Variants in MINK1 observed in about 807,000 individuals in gnomAD.
MINK1 encodes the protein misshapen like kinase 1, also known as misshapen-like kinase 1.
A neutral mutation model predicts 178.4 loss-of-function variants in MINK1; 46 were observed. The ratio of observed to expected loss-of-function variants is 0.26; its 90% confidence interval spans 0.20 to 0.33. The LOEUF (loss-of-function observed/expected upper bound fraction) is 0.33, where lower values mean the gene tolerates loss of function less well. MINK1 is among the 10% of genes least tolerant of loss of function. The probability of loss-of-function intolerance (pLI) is 1.00; values close to 1 mark genes in which losing one functional copy is unlikely to be tolerated. For missense variants in MINK1, 1,366 were observed against 1,814.9 expected (o/e 0.75, Z 4.49); for synonymous variants, 797 against 709.7 (o/e 1.12, Z -1.96).
chr17:4,835,328 A>G (rs896838068), intron 1 of MINK1, among the ~76,000 whole-genome samples: 7 of 152,132 alleles, frequency 4.6e-5, no homozygotes, highest in Non-Finnish European at 1.0e-4. Context: ...CTAAAATACA[A>G]TAAAAAATGG....
intron 1 of MINK1, among the ~76,000 whole-genome samples, chr17:4,867,939 A>G (rs1038739759): frequency 6.6e-6 from 1 of 151,186 alleles, no homozygotes; most frequent in Non-Finnish European, 1.5e-5. Flanking sequence ...TCAAACGCTT[A>G]TTTTGTTGAG....
chr17:4,887,260 C>G lies in MINK1; in HGVS notation c.1019+81C>G. ...ACAGTGGTGCTTGGCTTTGGGGACTCTCAGCCTGGGGGTGGTGGGCACAGA... is the reference window on the plus strand; with the variant it reads ...ACAGTGGTGCTTGGCTTTGGGGACTGTCAGCCTGGGGGTGGTGGGCACAGA... On this transcript the variant is annotated intron_variant, in intron 11 of 31. Transcript: ENST00000355280. The surrounding 1 kb of genome is among the most constrained non-coding windows in gnomAD (Gnocchi z 7.6). The G allele has an allele frequency of 7.1e-7, 1 of 1,409,604 alleles. No homozygotes were observed. The highest frequency in any genetic ancestry group is 9.8e-7 in the Non-Finnish European group (1 of 1,020,856). The allele number at this position is 1,409,604 out of a possible 1,614,324, so 87.3% of individuals were successfully genotyped here. A position where few individuals can be genotyped will look rare whatever the true frequency, so the allele number is the denominator to read the frequency against.
Position 4,885,918 on chromosome 17 carries a change from T to C in MINK1, c.647T>C (p.Ile216Thr). 1 of 1,613,720 alleles carries C rather than the reference T, an allele frequency of 6.2e-7. No individual in the cohort carries two copies. The highest frequency in any genetic ancestry group is 8.5e-7 in the Non-Finnish European group (1 of 1,179,786). Residue 216 changes from isoleucine (I) to threonine (T), a missense_variant, in exon 8 of 32, where the codon ATT becomes ACT. By Grantham distance (89) the Ile-to-Thr change is moderately conservative (BLOSUM62 -1). Transcript: ENST00000355280. The surrounding 1 kb of genome is among the most constrained non-coding windows in gnomAD (Gnocchi z 5.0). ...PDATYDYRSD[I>T]WSLGITAIEM... Reference sequence around the variant, plus strand: ...CTTCTTTCCCGTCTATAGAGTGATATTTGGTCTCTAGGAATCACAGCCATC... The same window carrying C: ...CTTCTTTCCCGTCTATAGAGTGATACTTGGTCTCTAGGAATCACAGCCATC...
intron 1 of MINK1, among the ~76,000 whole-genome samples, chr17:4,874,586 G>A (rs1382479558): frequency 6.6e-6 from 1 of 152,148 alleles, no homozygotes; most frequent in Non-Finnish European, 1.5e-5. Context: ...ACATGTTGAA[G>A]GGAGAAAGGA....
intron 1 of MINK1, among the ~76,000 whole-genome samples, chr17:4,875,842 T>C (rs543564069): frequency 2.0e-5 from 3 of 150,930 alleles, no homozygotes; most frequent in East Asian, 2.0e-4. Flanking sequence ...GTCGCTTTGG[T>C]TGGAGTGCAG....
intron 1 of MINK1, among the ~76,000 whole-genome samples, chr17:4,846,299 C>CT (rs1350262304): frequency 3.3e-5 from 5 of 152,192 alleles, no homozygotes; most frequent in Admixed American, 2.6e-4. Context: ...CTCATGAGGT[C>CT]TTTTTTCTCT....
In MINK1 at chr17:4,881,270, C is replaced by T. The variant is rs773972348; in HGVS notation, c.306+13C>T. 5.9e-6 allele frequency: 9 copies of T among 1,536,098 alleles called. No individual in the cohort carries two copies. Among genetic ancestry groups the T allele is most frequent in the Admixed American group, 2.0e-5 (1 of 50,944 alleles). ...TGACCAGCTCTGGGTGAGAAACGCC[C>T]CCCTGCCCGCCTTCCCTCCCCGCAA... On this transcript the variant is annotated intron_variant, in intron 4 of 31. Coordinates refer to ENST00000355280, the MANE Select transcript of MINK1 (RefSeq NM_153827.5).
Position 4,895,611 on chromosome 17 carries a change from T to C in MINK1, c.3230-87T>C, listed in dbSNP as rs1969366704. 6.4e-7 allele frequency: 1 copy of C among 1,563,496 alleles called. No individual in the cohort carries two copies. Among genetic ancestry groups the C allele is most frequent in the Non-Finnish European group, 8.7e-7 (1 of 1,151,524 alleles). On this transcript the variant is annotated intron_variant, in intron 26 of 31. Coordinates refer to ENST00000355280, the MANE Select transcript of MINK1 (RefSeq NM_153827.5). The surrounding 1 kb of genome is among the most constrained non-coding windows in gnomAD (Gnocchi z 4.3). ...TGGGGCCACACTTTCTCACCCCTTGTGGTATGCTGACAGAGGAGGCCAGGG... is the reference window on the plus strand; with the variant it reads ...TGGGGCCACACTTTCTCACCCCTTGCGGTATGCTGACAGAGGAGGCCAGGG...
chr17:4,862,133 G>A (rs958835148), intron 1 of MINK1, among the ~76,000 whole-genome samples: 3 of 152,076 alleles, frequency 2.0e-5, no homozygotes, highest in Non-Finnish European at 2.9e-5. Context: ...AAATAGAGAT[G>A]TTGTGGTCTG....
intron 16 of MINK1, among the ~76,000 whole-genome samples, 168 bp from the exon 17 acceptor site, chr17:4,891,981 C>T (rs1269510664): frequency 6.6e-6 from 1 of 152,158 alleles, no homozygotes; most frequent in Non-Finnish European, 1.5e-5. Context: ...AGAACCGCAG[C>T]TCCACCATCA....
In MINK1 at chr17:4,890,552, G is replaced by T; in HGVS notation, c.1383G>T (p.Gln461His). The change falls in exon 14 of 32, where the codon CAG (glutamine) becomes CAT (histidine). Residue 461 changes from glutamine (Q) to histidine (H), a missense_variant. By Grantham distance (24) the Gln-to-His change is conservative (BLOSUM62 0). Coordinates refer to ENST00000355280, the MANE Select transcript of MINK1 (RefSeq NM_153827.5). ...YKRKQLEEQR[Q>H]SERLQRQLQQ... ...GGAAGCAGCTGGAGGAGCAGCGGCAGTCAGAACGTCTCCAGAGGCAGCTGC... is the reference window on the plus strand; with the variant it reads ...GGAAGCAGCTGGAGGAGCAGCGGCATTCAGAACGTCTCCAGAGGCAGCTGC... The T allele has an allele frequency of 6.3e-7, 1 of 1,589,484 alleles. No individual in the cohort carries two copies. The highest frequency in any genetic ancestry group is 8.6e-7 in the Non-Finnish European group (1 of 1,168,658).
intron 1 of MINK1, among the ~76,000 whole-genome samples, chr17:4,872,599 C>T (rs1259681000): frequency 2.6e-5 from 4 of 151,996 alleles, no homozygotes; most frequent in Non-Finnish European, 5.9e-5. Context: ...GGTAAAACCC[C>T]GTCTCTACTA....
At chr17:4,879,787 C>T (rs1208315856) in intron 2 of MINK1, among the ~76,000 whole-genome samples, 1 of 152,198 alleles carries the variant, frequency 6.6e-6, no homozygotes, top group African/African-American at 2.4e-5. Flanking sequence ...TAGCACATGT[C>T]GGCGGGCCCC....
At chr17:4,883,617 C>T (rs1367107195) in intron 4 of MINK1, among the ~76,000 whole-genome samples, 4 of 151,490 alleles carry the variant, frequency 2.6e-5, no homozygotes, top group African/African-American at 9.7e-5. Flanking sequence ...CTGCAAGCTC[C>T]GCCTTCCGGG....
In MINK1 at chr17:4,895,914, T is replaced by TGG; in HGVS notation, c.3364+84_3364+85dup. 6.4e-7 allele frequency: 1 copy of TGG among 1,573,688 alleles called. No homozygotes were observed. Among genetic ancestry groups the TGG allele is most frequent in the Non-Finnish European group, 8.6e-7 (1 of 1,158,534 alleles). On this transcript the variant is annotated intron_variant, in intron 27 of 31. Coordinates refer to ENST00000355280, the MANE Select transcript of MINK1 (RefSeq NM_153827.5). This position sits in a 1 kb window ranked among gnomAD's most constrained non-coding sequence, Gnocchi z 4.3. ...ATCTGGGAGCCAGGGACTTGGGGCC[T>TGG]GGGTGGGGCAGTGTAGTGACAGACC...
intron 1 of MINK1, among the ~76,000 whole-genome samples, chr17:4,839,938 A>AGTGTGTGT (rs1567553459): frequency 9.8e-6 from 1 of 102,288 alleles, no homozygotes; most frequent in East Asian, 3.3e-4. Flanking sequence ...ATTATTTATT[A>AGTGTGTGT]ATGTGTGTGT....
At chr17:4,858,950 C>T (rs1252333505) in intron 1 of MINK1, among the ~76,000 whole-genome samples, 1 of 152,094 alleles carries the variant, frequency 6.6e-6, no homozygotes, top group African/African-American at 2.4e-5. Context: ...TCTGCCTTGT[C>T]CTCCCAACAC....
rs1968140924 is a variant in MINK1 at position 4,885,713 on chromosome 17, T to A, written c.639+100T>A. On this transcript the variant is annotated intron_variant, in intron 7 of 31. Transcript: ENST00000355280. This position sits in a 1 kb window ranked among gnomAD's most constrained non-coding sequence, Gnocchi z 5.0. ...GGCTGGGGAACAGAGGAAGGTCAGATGATGTTAGCAGTGAGGGGCTGGGGA... is the reference window on the plus strand; with the variant it reads ...GGCTGGGGAACAGAGGAAGGTCAGAAGATGTTAGCAGTGAGGGGCTGGGGA... 2.6e-6 allele frequency: 4 copies of A among 1,528,374 alleles called. No individual in the cohort carries two copies. The South Asian group carries it at 4.8e-5, about 18-fold the overall frequency. The allele number at this position is 1,528,374 out of a possible 1,614,324, so 94.7% of individuals were successfully genotyped here.
chr17:4,892,978 GT>G lies in MINK1; in HGVS notation c.2312del (p.Val771AlafsTer35), dbSNP rs773611705. The G allele has an allele frequency of 1.4e-3, 2,210 of 1,566,016 alleles. 26 individuals are homozygous for G. The highest frequency in any genetic ancestry group is 4.8e-4 in the South Asian group (41 of 84,978). On this transcript the variant is annotated frameshift_variant and splice_region_variant, in exon 20 of 32. Coordinates refer to ENST00000355280, the MANE Select transcript of MINK1 (RefSeq NM_153827.5). LOFTEE classifies it high-confidence loss of function. ...TGACCTTCTTCCACCCTGCCGTCCA[GT>G]CTCCTCCAAACCGGACAGCTCCCCT... The part of the protein sequence containing the change: ...AGSLERNRVG[V>X]SSKPDSSPVL...
Sources: gnomAD v4.1 joint callset for allele counts (sites outside exome capture counted in the v4.1 genomes callset) on GRCh38, gnomAD v4.1.1 for gene constraint, Gnocchi (gnomAD v3.1) non-coding constraint, MANE v1.5 for transcripts, NCBI Gene and HGNC (gene_info 2026-07-23, HGNC 2026-07-21) for gene names.